ZNF33B: variants seen among roughly 807,000 people sequenced by gnomAD.
ZNF33B encodes zinc finger protein 11b (KOX 2).
ZNF33B carries 29 observed loss-of-function variants against 45.8 expected under a neutral mutation model. The observed-to-expected ratio is 0.63, with a 90% CI of 0.47 to 0.86. ZNF33B has a LOEUF of 0.86. Among genes scored for constraint, ZNF33B ranks in the 40% least tolerant of loss-of-function variants. The pLI is 0.00. For synonymous variants in ZNF33B, 305 were observed against 307.8 expected (o/e 0.99, Z 0.10); for missense variants, 831 against 909.9 (o/e 0.91, Z 1.12).
chr10:42,616,625 A>T (rs1408743867), intron 4 of ZNF33B, among the ~76,000 whole-genome samples: 3 of 152,156 alleles, frequency 2.0e-5, no homozygotes, highest in African/African-American at 2.4e-5. Context: ...GATACAAGAG[A>T]TCCAGCATCT....
Position 42,592,698 on chromosome 10 carries a change from C to A in ZNF33B, c.2252G>T (p.Cys751Phe). Reference protein sequence around the residue: ...RSHTGEKPYECNTCRKTFSQK... With the variant: ...RSHTGEKPYEFNTCRKTFSQK... ...AGAGAAGGTTTTCCTGCATGTGTTA[C>A]ATTCATAGGGCTTTTCCCCTGTATG... The change falls in exon 5 of 5, where the codon TGT becomes TTT. Residue 751 changes from cysteine to phenylalanine, a missense_variant. By Grantham distance (205) the Cys-to-Phe change is radical. Transcript: ENST00000359467. The A allele has an allele frequency of 6.2e-7, 1 of 1,614,094 alleles. No homozygotes were observed. The highest frequency in any genetic ancestry group is 1.1e-5 in the South Asian group (1 of 91,078).
chr10:42,602,397 A>C (rs1199185292), intron 4 of ZNF33B, among the ~76,000 whole-genome samples: 1 of 151,866 alleles, frequency 6.6e-6, no homozygotes, highest in Non-Finnish European at 1.5e-5. Context: ...TGAACCTGTC[A>C]GTTAATTCTA....
rs1837086738 is a variant in ZNF33B, at chr10:42,590,688, C to G, written c.*1925G>C. On this transcript the variant is annotated 3_prime_UTR_variant, in exon 5 of 5. Coordinates refer to ENST00000359467, the MANE Select transcript of ZNF33B (RefSeq NM_006955.3). ...AGAATGCATCTTGCAAGGAATTGAT[C>G]CATTTTAGCTAAGTTATCAAATTTA... 1 of 152,114 alleles carries G rather than the reference C, an allele frequency of 6.6e-6. No individual in the cohort carries two copies. Among genetic ancestry groups the G allele is most frequent in the Admixed American group, 6.5e-5 (1 of 15,272 alleles). 9.4% of individuals were successfully genotyped at this position (152,114 alleles called of 1,614,324 possible).
Position 42,592,335 on chromosome 10 carries a change from T to C in ZNF33B, c.*278A>G. The C allele has an allele frequency of 3.3e-6, 2 of 606,390 alleles. No individual in the cohort carries two copies. Among genetic ancestry groups the C allele is most frequent in the East Asian group, 3.6e-5 (1 of 27,870 alleles). The allele number at this position is 606,390 out of a possible 1,614,324, so 37.6% of individuals were successfully genotyped here. On this transcript the variant is annotated 3_prime_UTR_variant, in exon 5 of 5. Transcript: ENST00000359467. ...GTAAATGCTAACATAATCCTATTTG[T>C]AGTTTTGCCAAAAACTTTCACAAAT...
At chr10:42,601,463 G>T (rs1837612677) in intron 4 of ZNF33B, among the ~76,000 whole-genome samples, 2 of 147,500 alleles carry the variant, frequency 1.4e-5, no homozygotes, top group Non-Finnish European at 3.0e-5. Context: ...AGCTCACATG[G>T]GCTTGTTTTT....
At chr10:42,599,798 T>C (rs543127213) in intron 4 of ZNF33B, among the ~76,000 whole-genome samples, 43 of 152,158 alleles carry the variant, frequency 2.8e-4, no homozygotes, top group East Asian at 7.7e-4. Context: ...AGGATCAAAA[T>C]GGAAAACAAT....
At chr10:42,615,384 T>C (rs1838270810) in intron 4 of ZNF33B, among the ~76,000 whole-genome samples, 1 of 152,164 alleles carries the variant, frequency 6.6e-6, no homozygotes, top group Admixed American at 6.5e-5. Context: ...TGTTATATGG[T>C]AATAAAAAAC....
rs925187461 is a variant in ZNF33B, at chr10:42,606,572, G to A, written c.251-11873C>T. 2.7e-4 allele frequency among the ~76,000 whole-genome samples: 41 copies of A among 151,972 alleles called. 1 individual carries two copies. Among genetic ancestry groups the A allele is most frequent in the Non-Finnish European group, 7.4e-5 (5 of 68,008 alleles). On this transcript the variant is annotated intron_variant, in intron 4 of 4. Transcript: ENST00000359467. The stretch of plus-strand genomic sequence containing the variant: ...GAATTAAAGCAGAAATGAAGAATAA[G>A]GTTAGTATACCAAACTCTACAAATA...
At chr10:42,588,825 C>A (rs1413879816), downstream of ZNF33B, among the ~76,000 whole-genome samples, 2 of 152,130 alleles carry the variant, frequency 1.3e-5, no homozygotes, top group Non-Finnish European at 2.9e-5. Flanking sequence ...AGGAACTGTG[C>A]CTGGCCCCCC....
rs577503630 is a variant in ZNF33B, at chr10:42,577,608, T to C, written c.74-2930A>G. Reference sequence around the variant, plus strand: ...TTCTACTCCCGGGGTTCTCCTCACTTGACAGAGAATTCAGTGGATCTATCA... The same window carrying C: ...TTCTACTCCCGGGGTTCTCCTCACTCGACAGAGAATTCAGTGGATCTATCA... On this transcript the variant is annotated intron_variant, in intron 1 of 1. Coordinates refer to the ZNF33B transcript ENST00000462075. Among the ~76,000 whole-genome samples the C allele has an allele frequency of 1.8e-4, 28 of 152,074 alleles. No individual in the cohort carries two copies. In the South Asian group the frequency reaches 5.6e-3, roughly 30 times the overall value.
chr10:42,580,264 A>G (rs190746719), intron 1 of ZNF33B, among the ~76,000 whole-genome samples: 102 of 152,230 alleles, frequency 6.7e-4, no homozygotes, highest in African/African-American at 2.2e-3. Context: ...GTTTTGAGAC[A>G]GAGTCTCACT....
downstream of ZNF33B, among the ~76,000 whole-genome samples, chr10:42,586,405 T>A (rs1836937242): frequency 6.6e-6 from 1 of 151,978 alleles, no homozygotes; most frequent in Admixed American, 6.5e-5. Context: ...TGCCTCATCC[T>A]CCCAGAGTGC....
At chr10:42,614,545 T>C (rs1838232948) in intron 4 of ZNF33B, among the ~76,000 whole-genome samples, 1 of 152,230 alleles carries the variant, frequency 6.6e-6, no homozygotes, top group Non-Finnish European at 1.5e-5. Flanking sequence ...CAGCAGAAAC[T>C]GGGTTAATGG....
downstream of ZNF33B, among the ~76,000 whole-genome samples, chr10:42,586,787 C>T (rs2132020504): frequency 6.6e-6 from 1 of 152,338 alleles, no homozygotes; most frequent in East Asian, 1.9e-4. Context: ...TGTAGCATGG[C>T]CAAATGCCAA....
intron 4 of ZNF33B, 93 bp from the exon 5 acceptor site, chr10:42,594,792 C>T (rs1837328254): frequency 7.3e-7 from 1 of 1,378,784 alleles, no homozygotes; most frequent in Admixed American, 2.9e-5. Context: ...TTGTAGCTGA[C>T]TCTGGTTTTT....
Position 42,593,073 on chromosome 10 carries a change from T to C in ZNF33B, c.1877A>G (p.Gln626Arg), listed in dbSNP as rs1203157243. 6.2e-7 allele frequency: 1 copy of C among 1,613,892 alleles called. No homozygotes were observed. The highest frequency in any genetic ancestry group is 8.5e-7 in the Non-Finnish European group (1 of 1,179,970). ...KTFCQKSQLT[Q>R]HQRIHIGEKP... ...CTCCCCTATGTGAATTCTCTGATGCTGAGTGAGTTGTGACTTCTGGCAGAA... is the reference window on the plus strand; with the variant it reads ...CTCCCCTATGTGAATTCTCTGATGCCGAGTGAGTTGTGACTTCTGGCAGAA... The change falls in exon 5 of 5, where the codon CAG (glutamine) becomes CGG (arginine). Residue 626 changes from glutamine to arginine, a missense_variant. Gln to Arg is a conservative substitution (Grantham distance 43). Transcript: ENST00000359467.
rs1837022266 is a variant in ZNF33B at position 42,589,612 on chromosome 10, T to C, written c.*3001A>G. 6.6e-6 allele frequency: 1 copy of C among 152,224 alleles called. No homozygotes were observed. The allele number at this position is 152,224 out of a possible 1,614,324, so 9.4% of individuals were successfully genotyped here. On this transcript the variant is annotated 3_prime_UTR_variant, in exon 5 of 5. Transcript: ENST00000359467. ...TTTAGGGTTCCTATATGTCTTTTAA[T>C]GACTTGATGTCTAATTCTTTTTTAT...
At chr10:42,615,951 G>C (rs371627526) in intron 4 of ZNF33B, among the ~76,000 whole-genome samples, 2 of 151,416 alleles carry the variant, frequency 1.3e-5, no homozygotes, top group African/African-American at 2.4e-5. Flanking sequence ...GGCTGGGTGC[G>C]GTGGCTTACG....
At chr10:42,604,537 T>C (rs1392139998) in intron 4 of ZNF33B, among the ~76,000 whole-genome samples, 13 of 152,148 alleles carry the variant, frequency 8.5e-5, no homozygotes, top group Non-Finnish European at 1.8e-4. Flanking sequence ...AGAAAAATAT[T>C]AGTAAGAAGA....
Sources: allele counts gnomAD v4.1 joint callset (sites outside exome capture counted in the v4.1 genomes callset), GRCh38; gene constraint gnomAD v4.1.1; transcripts MANE v1.5; gene names NCBI Gene and HGNC (gene_info 2026-07-23, HGNC 2026-07-21).